The following TNIP3 variants were observed in gnomAD, a reference collection of about 807,000 sequenced individuals.
TNIP3 encodes the protein TNFAIP3 interacting protein 3.
TNIP3 carries 34 observed loss-of-function variants against 54.1 expected under a neutral mutation model. The ratio of observed to expected loss-of-function variants is 0.63; its 90% CI spans 0.48 to 0.84. The LOEUF is 0.84. TNIP3 is among the 40% of genes least tolerant of loss of function. TNIP3 has a pLI of 0.00. For missense variants in TNIP3, 366 were observed against 387.6 expected, an observed-to-expected ratio of 0.94 and a Z score of 0.47; for synonymous variants, 134 against 136.8, an observed-to-expected ratio of 0.98 and a Z score of 0.14.
chr4:121,158,978 A>G (rs1211945433), intron 2 of TNIP3, among the ~76,000 whole-genome samples: 1 of 152,198 alleles, frequency 6.6e-6, no homozygotes, highest in Non-Finnish European at 1.5e-5. Context: ...CCGGTGGCTC[A>G]CGCCTGTAAT....
chr4:121,172,111 C>T (rs1723998798), intron 3 of TNIP3, among the ~76,000 whole-genome samples: 1 of 152,212 alleles, frequency 6.6e-6, no homozygotes, highest in Non-Finnish European at 1.5e-5. Flanking sequence ...GAGTCAGCTC[C>T]AGCCTTACTC....
intron 9 of TNIP3, 45 bp downstream of exon 9, chr4:121,141,771 C>T (rs577500393): frequency 1.6e-6 from 2 of 1,289,696 alleles, no homozygotes; most frequent in Non-Finnish European, 2.1e-6. Context: ...ATAATTTCTA[C>T]CAAAACAGTA....
At chr4:121,213,049 G>C (rs1162765350) in intron 2 of TNIP3, among the ~76,000 whole-genome samples, 1 of 152,102 alleles carries the variant, frequency 6.6e-6, no homozygotes, top group Non-Finnish European at 1.5e-5. Flanking sequence ...GTTGCATCTG[G>C]AAGAGAGTAT....
At chr4:121,215,549 A>G (rs1335527717) in intron 2 of TNIP3, among the ~76,000 whole-genome samples, 1 of 152,042 alleles carries the variant, frequency 6.6e-6, no homozygotes, top group African/African-American at 2.4e-5. Context: ...CTTTCCTACC[A>G]CCACGTCTTT....
chr4:121,205,311 G>A (rs1398094983), intron 2 of TNIP3, among the ~76,000 whole-genome samples: 1 of 152,154 alleles, frequency 6.6e-6, no homozygotes, highest in Non-Finnish European at 1.5e-5. Flanking sequence ...TAAGGCTAGA[G>A]CTTGTGTGGT....
intron 5 of TNIP3, among the ~76,000 whole-genome samples, chr4:121,152,296 G>A (rs1465617113): frequency 6.6e-6 from 1 of 152,064 alleles, no homozygotes; most frequent in Non-Finnish European, 1.5e-5. Context: ...AATATTCATT[G>A]TAAAATAGAA....
intron 3 of TNIP3, among the ~76,000 whole-genome samples, chr4:121,176,914 C>T (rs1724394774): frequency 6.6e-6 from 1 of 152,150 alleles, no homozygotes; most frequent in Non-Finnish European, 1.5e-5. Context: ...CCTCCCTTAA[C>T]TTGTATCAAA....
chr4:121,220,264 T>C (rs1015202400), upstream of TNIP3, among the ~76,000 whole-genome samples: 1 of 152,196 alleles, frequency 6.6e-6, no homozygotes, highest in East Asian at 1.9e-4. Flanking sequence ...AATAATACAT[T>C]AATACCATAT....
rs1206282638 is a variant in TNIP3, at chr4:121,209,784, A to T, written c.68+6631T>A. 2.6e-5 allele frequency among the ~76,000 whole-genome samples: 4 copies of T among 152,300 alleles called. No individual in the cohort carries two copies. The East Asian group carries it at 7.7e-4, about 29-fold the overall frequency. On this transcript the variant is annotated intron_variant, in intron 2 of 12. Coordinates refer to the TNIP3 transcript ENST00000507879. The stretch of plus-strand genomic sequence containing the variant: ...TTATTGATGTTTTATTGATCATTTT[A>T]GTTATGCAACTTTTATTCACTCACT...
intron 3 of TNIP3, among the ~76,000 whole-genome samples, chr4:121,173,748 C>T (rs1304555887): frequency 6.6e-6 from 1 of 152,170 alleles, no homozygotes; most frequent in African/African-American, 2.4e-5. Context: ...CCTGTCTCAG[C>T]TTCCCGAGCA....
rs17051300 is a variant in TNIP3 at position 121,157,828 on chromosome 4, C to A, written c.214-585G>T. Among the ~76,000 whole-genome samples the A allele has an allele frequency of 5.6e-3, 849 of 152,290 alleles. 12 individuals carry two copies. The highest frequency in any genetic ancestry group is 0.02 in the African/African-American group (812 of 41,556). On this transcript the variant is annotated intron_variant, in intron 3 of 10. Coordinates refer to ENST00000057513, the MANE Select transcript of TNIP3 (RefSeq NM_024873.6). ...CACTAACACTGTCTTCACACACCTGCAAGCCGTTCGAGAAAGCAGCTTAAG... is the reference window on the plus strand; with the variant it reads ...CACTAACACTGTCTTCACACACCTGAAAGCCGTTCGAGAAAGCAGCTTAAG...
intron 2 of TNIP3, among the ~76,000 whole-genome samples, chr4:121,202,429 A>G (rs912594680): frequency 6.6e-6 from 1 of 152,180 alleles, no homozygotes; most frequent in Non-Finnish European, 1.5e-5. Flanking sequence ...TGGAGCAAAG[A>G]CTTAAATATA....
chr4:121,157,431 C>T, intron 3 of TNIP3, 188 bp from the exon 4 acceptor site: 6 of 694,472 alleles, frequency 8.6e-6, no homozygotes, highest in Non-Finnish European at 1.4e-5. Flanking sequence ...CTTGGCCTTG[C>T]ACCAAAACAG....
chr4:121,211,973 C>A (rs115748565), intron 2 of TNIP3, among the ~76,000 whole-genome samples: 3,301 of 152,296 alleles, frequency 0.022, 75 homozygotes, highest in Admixed American at 0.035. Context: ...AGTCTCTAGA[C>A]ACACAAATTT....
chr4:121,153,282 A>G (rs961222729), intron 5 of TNIP3, among the ~76,000 whole-genome samples: 1 of 152,218 alleles, frequency 6.6e-6, no homozygotes, highest in Non-Finnish European at 1.5e-5. Context: ...CACAAACATG[A>G]AGAGTGCACA....
chr4:121,185,543 G>A (rs943933191), intron 2 of TNIP3, among the ~76,000 whole-genome samples: 45 of 152,100 alleles, frequency 3.0e-4, no homozygotes, highest in African/African-American at 1.0e-3. Context: ...TTTATTCACT[G>A]CTCAGTCTCT....
chr4:121,185,133 A>G (rs1400195050), intron 2 of TNIP3, among the ~76,000 whole-genome samples: 2 of 152,234 alleles, frequency 1.3e-5, no homozygotes, highest in Admixed American at 1.3e-4. Flanking sequence ...GATAAAACTC[A>G]TCACGATCTA....
At position 121,179,116 on chromosome 4, in the gene TNIP3, A is replaced by C. The variant is rs576488263; in HGVS notation, c.189+3560T>G. On this transcript the variant is annotated intron_variant, in intron 3 of 12. Coordinates refer to the TNIP3 transcript ENST00000507879. ...CAAAGAAGCAAGGATTTCCAGAAAG[A>C]GTAAACAGCATGTGAAATGATAGCA... 2.0e-5 allele frequency among the ~76,000 whole-genome samples: 3 copies of C among 152,342 alleles called. No homozygotes were observed. In the South Asian group the frequency reaches 6.2e-4, roughly 32 times the overall value.
chr4:121,185,384 A>G (rs1724960584), intron 2 of TNIP3, among the ~76,000 whole-genome samples: 1 of 152,198 alleles, frequency 6.6e-6, no homozygotes, highest in Non-Finnish European at 1.5e-5. Context: ...ACCTATCTGA[A>G]CTAGATTTCT....
Sources: gnomAD v4.1 joint callset for allele counts (sites outside exome capture counted in the v4.1 genomes callset) on GRCh38, gnomAD v4.1.1 for gene constraint, MANE v1.5 for transcripts, NCBI Gene and HGNC (gene_info 2026-07-23, HGNC 2026-07-21) for gene names.